SPINK5: variants seen among roughly 807,000 people sequenced by gnomAD.
The protein encoded by SPINK5 is serine peptidase inhibitor Kazal type 5, also known as serine protease inhibitor Kazal-type 5.
A neutral mutation model predicts 151.8 loss-of-function variants in SPINK5; 125 were observed. The observed-to-expected ratio is 0.82, with a 90% CI of 0.71 to 0.96. The LOEUF is 0.96. SPINK5 is among the 40% of genes least tolerant of loss of function. The probability of loss-of-function intolerance (pLI) is 0.00; values close to 1 mark genes in which losing one functional copy is unlikely to be tolerated. For missense variants in SPINK5, 1,194 were observed against 1,291.9 expected (o/e 0.92, Z 1.16); for synonymous variants, 374 against 395.3 (o/e 0.95, Z 0.64).
intron 5 of SPINK5, among the ~76,000 whole-genome samples, chr5:148,088,251 AC>A (rs1281947347): frequency 6.6e-6 from 1 of 151,858 alleles, no homozygotes; most frequent in Non-Finnish European, 1.5e-5. Context: ...TACAAGCTTT[AC>A]TTTTCCCCAT....
chr5:148,089,292 A>G (rs112412078), intron 6 of SPINK5: 15 of 685,594 alleles, frequency 2.2e-5, no homozygotes, highest in African/African-American at 8.9e-5. Context: ...CTGTTTACTA[A>G]ATAAATGAAT....
chr5:148,100,615 T>G, intron 13 of SPINK5, 34 bp downstream of exon 13: 1 of 1,610,104 alleles, frequency 6.2e-7, no homozygotes. Context: ...CATGGAGGAA[T>G]GATTTTGTTC....
chr5:148,106,641 T>C (rs1177856511), intron 16 of SPINK5, among the ~76,000 whole-genome samples: 1 of 152,110 alleles, frequency 6.6e-6, no homozygotes, highest in East Asian at 1.9e-4. Context: ...GGACAAAATA[T>C]ATATTTATTT....
At chr5:148,134,254 T>C (rs1754644838) in intron 32 of SPINK5, among the ~76,000 whole-genome samples, 1 of 152,194 alleles carries the variant, frequency 6.6e-6, no homozygotes, top group African/African-American at 2.4e-5. Flanking sequence ...AAACAATTTC[T>C]ATATAATGCC....
intron 18 of SPINK5, among the ~76,000 whole-genome samples, chr5:148,110,081 C>T (rs892823932): frequency 3.3e-5 from 5 of 152,104 alleles, no homozygotes; most frequent in Non-Finnish European, 1.5e-5. Flanking sequence ...CAAATCCTTG[C>T]TTCATTTCCC....
chr5:148,109,037 G>T lies in SPINK5; in HGVS notation c.1692+200G>T, dbSNP rs73794664. Among the ~76,000 whole-genome samples, 6,047 of 151,558 alleles carry T rather than the reference G, an allele frequency of 0.04. 372 individuals carry two copies. The highest frequency in any genetic ancestry group is 0.14 in the African/African-American group (5,582 of 41,326). ...TTAAATCTATTAATTGCTCGTGCAG[G>T]AGAGAGATCAATCACCATTTTCTCC... is the stretch of plus-strand genomic sequence containing the variant. On this transcript the variant is annotated intron_variant, in intron 18 of 32. Transcript: ENST00000256084.
At position 148,095,897 on chromosome 5, in the gene SPINK5, G is replaced by T. The variant is rs1309550338; in HGVS notation, c.874G>T (p.Glu292Ter). Residue 292 changes from glutamate to a stop codon, truncating the protein, a stop_gained, in exon 10 of 33, where the codon GAA (glutamate) becomes TAA (stop). Coordinates refer to ENST00000256084, the MANE Select transcript of SPINK5 (RefSeq NM_006846.4). LOFTEE classifies it high-confidence loss of function. The stretch of plus-strand genomic sequence containing the variant: ...TGAAGAAAAAACTAAAGTTAAAAGA[G>T]AAATTGTGGTGAGAATCAGTTTGAT... ...KAEEKTKVKREIVKLCSQYQN... is the reference protein window; with the variant it reads ...KAEEKTKVKR 6.2e-7 allele frequency: 1 copy of T among 1,611,154 alleles called. No individual in the cohort carries two copies. Among genetic ancestry groups the T allele is most frequent in the East Asian group, 2.2e-5 (1 of 44,770 alleles).
intron 3 of SPINK5, among the ~76,000 whole-genome samples, chr5:148,071,803 A>G (rs1752744937): frequency 6.6e-6 from 1 of 152,096 alleles, no homozygotes; most frequent in Admixed American, 6.6e-5. Flanking sequence ...AATTAGAACC[A>G]ATATAAGCAG....
At chr5:148,124,118 A>C (rs1754367178) in intron 27 of SPINK5, among the ~76,000 whole-genome samples, 158 bp downstream of exon 27, 1 of 152,092 alleles carries the variant, frequency 6.6e-6, no homozygotes, top group South Asian at 2.1e-4. Flanking sequence ...TTTCACAATA[A>C]TTTTTTTATT....
At chr5:148,102,026 G>A in intron 15 of SPINK5, 118 bp downstream of exon 15, 2 of 1,455,174 alleles carry the variant, frequency 1.4e-6, no homozygotes, top group Non-Finnish European at 1.9e-6. Context: ...TCAGTCTTGG[G>A]TGTCATATTT....
At chr5:148,087,412 C>T (rs1219021830) in intron 5 of SPINK5, among the ~76,000 whole-genome samples, 3 of 151,762 alleles carry the variant, frequency 2.0e-5, no homozygotes, top group Non-Finnish European at 2.9e-5. Flanking sequence ...TAATTATTCA[C>T]TTTTTGAGAT....
intron 2 of SPINK5, among the ~76,000 whole-genome samples, chr5:148,067,481 C>G (rs1581046206): frequency 1.3e-5 from 2 of 152,170 alleles, no homozygotes; most frequent in African/African-American, 4.8e-5. Context: ...TCAACCCTCT[C>G]TATTATGGTC....
intron 30 of SPINK5, among the ~76,000 whole-genome samples, chr5:148,129,949 G>T (rs1155637): frequency 0.56 from 85,281 of 151,810 alleles, 24,656 homozygotes; most frequent in Admixed American, 0.65. Context: ...GTGATGACCT[G>T]TTATCTCTAA....
intron 8 of SPINK5, among the ~76,000 whole-genome samples, chr5:148,092,726 A>T (rs1753343389): frequency 6.6e-6 from 1 of 151,884 alleles, no homozygotes; most frequent in Non-Finnish European, 1.5e-5. Context: ...AATTTTTTAT[A>T]CCATGCTATG....
chr5:148,065,559 AC>A (rs1752561219), intron 2 of SPINK5, 187 bp downstream of exon 2: 5 of 603,390 alleles, frequency 8.3e-6, no homozygotes, highest in Non-Finnish European at 1.5e-5. Context: ...ACACACACAC[AC>A]ACACACACAC....
intron 15 of SPINK5, among the ~76,000 whole-genome samples, chr5:148,103,041 G>T (rs536292617): frequency 1.3e-5 from 2 of 152,106 alleles, no homozygotes; most frequent in African/African-American, 4.8e-5. Context: ...TCTTAGAAAG[G>T]ACTTAATTTA....
chr5:148,093,064 C>A (rs1474798468), intron 8 of SPINK5, among the ~76,000 whole-genome samples: 22 of 151,886 alleles, frequency 1.4e-4, no homozygotes, highest in Admixed American at 1.3e-4. Flanking sequence ...CCTAGCCATG[C>A]TCTTTATGCC....
intron 4 of SPINK5, among the ~76,000 whole-genome samples, chr5:148,084,027 G>A (rs1456557108): frequency 3.3e-5 from 5 of 151,420 alleles, no homozygotes; most frequent in Admixed American, 2.0e-4. Flanking sequence ...TCTTGTTATT[G>A]TTTTACATTT....
rs75101889 is a variant in SPINK5 at position 148,099,440 on chromosome 5, G to A, written c.1092+125G>A. 679 of 752,684 alleles carry A rather than the reference G, an allele frequency of 9.0e-4. 3 individuals carry two copies. The African/African-American group carries it at 0.011, about 12-fold the overall frequency. The allele number at this position is 752,684 out of a possible 1,614,324, so 46.6% of individuals were successfully genotyped here. A position where few individuals can be genotyped will look rare whatever the true frequency, so the allele number is the denominator to read the frequency against. ...TATCTTAACTCTTCAATCTGGGGAT[G>A]GTATTGAGATGAATTATATGGGAAG... On this transcript the variant is annotated intron_variant, in intron 12 of 32. Coordinates refer to ENST00000256084, the MANE Select transcript of SPINK5 (RefSeq NM_006846.4).
Sources: allele counts gnomAD v4.1 joint callset (sites outside exome capture counted in the v4.1 genomes callset), GRCh38; gene constraint gnomAD v4.1.1; transcripts MANE v1.5; gene names NCBI Gene and HGNC (gene_info 2026-07-23, HGNC 2026-07-21).